The following RBFOX1 variants were observed in gnomAD, a reference collection of about 807,000 sequenced individuals.
RBFOX1 encodes the protein RNA binding fox-1 homolog 1, also known as RNA binding protein fox-1 homolog 1.
Under a neutral mutation model 57.7 loss-of-function variants are expected in RBFOX1, and 8 were observed. The observed-to-expected ratio is 0.14, with a 90% CI of 0.08 to 0.25. RBFOX1 has a LOEUF of 0.25. Among genes scored for constraint, RBFOX1 ranks in the 10% least tolerant of loss-of-function variants. The pLI, the probability that RBFOX1 is intolerant of heterozygous loss-of-function variation, is 1.00. For missense variants in RBFOX1, 611 were observed against 548.5 expected (o/e 1.11, Z -1.14); for synonymous variants, 326 against 222.4 (o/e 1.47, Z -4.15).
chr16:6,019,305 T>C lies in RBFOX1; in HGVS notation c.-814T>C, dbSNP rs1283460936. 6 of 984,694 alleles carry C rather than the reference T, an allele frequency of 6.1e-6. No homozygotes were observed. In the African/African-American group the frequency reaches 8.8e-5, roughly 14 times the overall value. The allele number at this position is 984,694 out of a possible 1,614,324, so 61.0% of individuals were successfully genotyped here. A position where few individuals can be genotyped will look rare whatever the true frequency, so the allele number is the denominator to read the frequency against. On this transcript the variant is annotated 5_prime_UTR_variant, in exon 1 of 16. Transcript: ENST00000550418. This position sits in a 1 kb window ranked among gnomAD's most constrained non-coding sequence, Gnocchi z 4.2. ...AGCGCGGGGTTTGAAGGTCACCTCC[T>C]TTCCAGTCCCCGTGCGAGCCGCGCT...
intron 2 of RBFOX1, among the ~76,000 whole-genome samples, chr16:5,473,949 T>TG (rs2069230025): frequency 1.6e-5 from 1 of 63,120 alleles, no homozygotes; most frequent in African/African-American, 6.4e-5. Flanking sequence ...GATGGATGGG[T>TG]GGGTGGGTGA....
chr16:7,079,880 G>A (rs187165907), intron 4 of RBFOX1, among the ~76,000 whole-genome samples: 3 of 151,862 alleles, frequency 2.0e-5, no homozygotes, highest in Non-Finnish European at 2.9e-5. Context: ...TAGAATTCCA[G>A]TTTTGCAAGA....
chr16:6,455,768 A>G (rs940356680), intron 2 of RBFOX1, among the ~76,000 whole-genome samples: 1 of 152,128 alleles, frequency 6.6e-6, no homozygotes, highest in Non-Finnish European at 1.5e-5. Context: ...CTTTTATTGT[A>G]TGATTACCTT....
chr16:5,522,356 C>G (rs1415503781), intron 2 of RBFOX1, among the ~76,000 whole-genome samples: 1 of 152,124 alleles, frequency 6.6e-6, no homozygotes, highest in Admixed American at 6.5e-5. Flanking sequence ...ATACATAGGT[C>G]CTGGGGAGCA....
chr16:7,048,469 C>G (rs939932959), intron 3 of RBFOX1, among the ~76,000 whole-genome samples: 1 of 151,768 alleles, frequency 6.6e-6, no homozygotes, highest in Non-Finnish European at 1.5e-5. Context: ...TCGTATTAGC[C>G]AGGATGGTCT....
At chr16:7,540,500 A>C (rs566412482) in intron 5 of RBFOX1, among the ~76,000 whole-genome samples, 1 of 152,346 alleles carries the variant, frequency 6.6e-6, no homozygotes, top group East Asian at 1.9e-4. Context: ...CACAGAGGGT[A>C]GTTATGAAGA....
chr16:7,496,583 G>C (rs2881522), intron 4 of RBFOX1, among the ~76,000 whole-genome samples: 145,354 of 151,974 alleles, frequency 0.96, 69,831 homozygotes, highest in East Asian at 1. Flanking sequence ...TACCATTTCT[G>C]TACCCCCAAA....
At position 6,504,899 on chromosome 16, in the gene RBFOX1, C is replaced by CA. The variant is rs140935626; in HGVS notation, c.-63-149691dup. ...TGAAACTCTGTCTCTACTAAAATTA[C>CA]AAAAAAAAAAAAATTTTGTAATTTT... On this transcript the variant is annotated intron_variant, in intron 2 of 15. Transcript: ENST00000550418. Among the ~76,000 whole-genome samples, 394 of 147,872 alleles carry CA rather than the reference C, an allele frequency of 2.7e-3. 1 individual carries two copies. Among genetic ancestry groups the CA allele is most frequent in the African/African-American group, 7.8e-3 (310 of 39,864 alleles).
chr16:5,460,632 C>T (rs759245858), intron 1 of RBFOX1, among the ~76,000 whole-genome samples: 3 of 152,200 alleles, frequency 2.0e-5, no homozygotes, highest in Non-Finnish European at 4.4e-5. Context: ...AACATGCTTT[C>T]CAGTGAAGGG....
chr16:5,968,038 T>C (rs2059884305), intron 4 of RBFOX1, among the ~76,000 whole-genome samples: 1 of 152,192 alleles, frequency 6.6e-6, no homozygotes. Flanking sequence ...TTTACATCTG[T>C]CTGACCATTT....
intron 3 of RBFOX1, among the ~76,000 whole-genome samples, chr16:5,661,360 T>G (rs1435238811): frequency 6.6e-6 from 1 of 152,178 alleles, no homozygotes; most frequent in East Asian, 1.9e-4. Flanking sequence ...TCTGCATGTT[T>G]ACATGTGTGT....
chr16:7,111,228 A>C (rs2064701781), intron 4 of RBFOX1, among the ~76,000 whole-genome samples: 1 of 152,218 alleles, frequency 6.6e-6, no homozygotes, highest in African/African-American at 2.4e-5. Context: ...GCCTTTGTCA[A>C]ACTGAAGTAT....
At chr16:6,534,970 A>C (rs968483190) in intron 2 of RBFOX1, among the ~76,000 whole-genome samples, 1 of 152,166 alleles carries the variant, frequency 6.6e-6, no homozygotes, top group African/African-American at 2.4e-5. Flanking sequence ...AGCAGGAGGT[A>C]TGAGCTTTCT....
intron 4 of RBFOX1, among the ~76,000 whole-genome samples, chr16:7,373,779 C>A (rs2097625497): frequency 6.6e-6 from 1 of 152,204 alleles, no homozygotes; most frequent in Non-Finnish European, 1.5e-5. Flanking sequence ...CCAGGCCCCA[C>A]ACTTTGGGGT....
intron 2 of RBFOX1, among the ~76,000 whole-genome samples, chr16:6,336,135 A>G (rs117356301): frequency 0.2 from 24,936 of 123,816 alleles, 3,172 homozygotes; most frequent in Non-Finnish European, 0.27. Context: ...ATATATATAT[A>G]TTCATATATA....
intron 4 of RBFOX1, among the ~76,000 whole-genome samples, chr16:7,140,157 C>CTCTCTCTCTCTCTCTCTCT (rs2073295791): frequency 2.8e-5 from 2 of 70,868 alleles, no homozygotes; most frequent in African/African-American, 1.2e-4. Context: ...TCCTTCTCTC[C>CTCTCTCTCTCTCTCTCTCT]CTCTCTCTCT....
intron 3 of RBFOX1, among the ~76,000 whole-genome samples, chr16:5,608,382 A>C (rs1292511066): frequency 6.6e-6 from 1 of 152,130 alleles, no homozygotes; most frequent in Non-Finnish European, 1.5e-5. Flanking sequence ...GTGAGGGTCC[A>C]CACGTGGCCA....
intron 4 of RBFOX1, among the ~76,000 whole-genome samples, chr16:7,393,797 G>T (rs770795748): frequency 2.4e-4 from 37 of 152,146 alleles, no homozygotes; most frequent in Non-Finnish European, 4.3e-4. Flanking sequence ...TTTACTCCAG[G>T]CATCTCTGGC....
rs1226984027 is a variant in RBFOX1, at chr16:6,852,860, G to T, written c.-16+198210G>T. Among the ~76,000 whole-genome samples the T allele has an allele frequency of 3.9e-5, 6 of 152,142 alleles. No homozygotes were observed. The East Asian group carries it at 5.8e-4, about 15-fold the overall frequency. ...GGTGAGGTGCATGCTGGGAACTGCT[G>T]TCCAGGTGAGGTGCATGCTGGGAAC... On this transcript the variant is annotated intron_variant, in intron 3 of 15. Coordinates refer to ENST00000550418, the MANE Select transcript of RBFOX1 (RefSeq NM_018723.4).
Sources: allele counts gnomAD v4.1 joint callset (sites outside exome capture counted in the v4.1 genomes callset), GRCh38; gene constraint gnomAD v4.1.1; non-coding constraint Gnocchi (gnomAD v3.1); transcripts MANE v1.5; gene names NCBI Gene and HGNC (gene_info 2026-07-23, HGNC 2026-07-21).